EXOC6: variants seen among roughly 807,000 people sequenced by gnomAD.
EXOC6 encodes SEC15-like 1.
In EXOC6, 60 loss-of-function variants were observed where a neutral mutation model predicts 112.5. The observed-to-expected ratio is 0.53, with a 90% CI of 0.43 to 0.66. EXOC6 has a LOEUF of 0.66. Among genes scored for constraint, EXOC6 ranks in the 30% least tolerant of loss-of-function variants. The pLI is 0.00. For missense variants in EXOC6, 855 were observed against 957.1 expected, an observed-to-expected ratio of 0.89 and a Z score of 1.41; for synonymous variants, 295 against 308.0, an observed-to-expected ratio of 0.96 and a Z score of 0.44.
At chr10:92,874,094 G>A (rs1405999473) in intron 1 of EXOC6, among the ~76,000 whole-genome samples, 1 of 151,258 alleles carries the variant, frequency 6.6e-6, no homozygotes, top group South Asian at 2.1e-4. Context: ...AAAGAAATTT[G>A]GATTCTATGT....
intron 12 of EXOC6, among the ~76,000 whole-genome samples, chr10:92,939,709 G>A (rs1484872007): frequency 6.6e-6 from 1 of 152,034 alleles, no homozygotes; most frequent in African/African-American, 2.4e-5. Flanking sequence ...TAGAAGAAAA[G>A]ACTAAAGGTT....
At chr10:92,877,455 C>T (rs1296758990) in intron 1 of EXOC6, among the ~76,000 whole-genome samples, 1 of 152,092 alleles carries the variant, frequency 6.6e-6, no homozygotes, top group Admixed American at 6.6e-5. Context: ...AACCAGTTGT[C>T]CTTTATACTT....
intron 13 of EXOC6, among the ~76,000 whole-genome samples, chr10:92,941,033 G>A (rs1040218008): frequency 1.3e-5 from 2 of 152,002 alleles, no homozygotes; most frequent in African/African-American, 4.8e-5. Context: ...TTTCCAGAAC[G>A]TTTTCATCTT....
intron 20 of EXOC6, among the ~76,000 whole-genome samples, chr10:93,033,003 C>T (rs923262051): frequency 1.3e-5 from 2 of 151,932 alleles, no homozygotes; most frequent in African/African-American, 2.4e-5. Flanking sequence ...AATAGTATGG[C>T]TATAATGTAG....
chr10:92,945,391 A>G (rs151186129), intron 13 of EXOC6, among the ~76,000 whole-genome samples: 153 of 152,262 alleles, frequency 1.0e-3, no homozygotes, highest in Non-Finnish European at 1.3e-3. Context: ...TTATTTGTCT[A>G]CTATGGCTTT....
intron 8 of EXOC6, 148 bp downstream of exon 8, chr10:92,920,198 T>A: frequency 4.1e-6 from 2 of 491,848 alleles, no homozygotes; most frequent in Non-Finnish European, 7.0e-6. Flanking sequence ...CTTACATTTT[T>A]TGTTTACTTA....
At chr10:92,912,661 C>T (rs535695214) in intron 6 of EXOC6, among the ~76,000 whole-genome samples, 10 of 152,128 alleles carry the variant, frequency 6.6e-5, no homozygotes, top group Non-Finnish European at 1.0e-4. Context: ...ACAGTCTTTC[C>T]ATAACCTATG....
intron 17 of EXOC6, among the ~76,000 whole-genome samples, chr10:92,965,775 G>T (rs1417015161): frequency 6.6e-6 from 1 of 152,080 alleles, no homozygotes; most frequent in East Asian, 1.9e-4. Context: ...AAAATATAGT[G>T]AGCCAGTTCA....
chr10:92,952,653 T>C (rs956313242), intron 15 of EXOC6, among the ~76,000 whole-genome samples: 9 of 152,180 alleles, frequency 5.9e-5, no homozygotes, highest in African/African-American at 2.2e-4. Context: ...TTTACATCCA[T>C]GTGTACCTAG....
At chr10:92,844,171 A>T (rs558077676), upstream of EXOC6, among the ~76,000 whole-genome samples, 61 of 151,998 alleles carry the variant, frequency 4.0e-4, no homozygotes, top group East Asian at 0.011. Flanking sequence ...AAAAGGAAAA[A>T]AAAGAAAAAC....
chr10:92,886,305 C>T (rs762253280), intron 1 of EXOC6, among the ~76,000 whole-genome samples: 11 of 152,132 alleles, frequency 7.2e-5, no homozygotes, highest in African/African-American at 2.7e-4. Context: ...GTACAGGGCC[C>T]TCGATTTTCT....
chr10:92,947,218 C>T (rs1853077267), intron 13 of EXOC6, among the ~76,000 whole-genome samples: 1 of 152,272 alleles, frequency 6.6e-6, no homozygotes, highest in East Asian at 1.9e-4. Context: ...CACAGAAACC[C>T]ACGATAGGTT....
intron 12 of EXOC6, among the ~76,000 whole-genome samples, chr10:92,938,459 T>C (rs1852477647): frequency 6.6e-6 from 1 of 152,148 alleles, no homozygotes; most frequent in South Asian, 2.1e-4. Context: ...AATTAAAGAA[T>C]GTTACATAAT....
chr10:93,049,428 G>A (rs575167488), intron 20 of EXOC6, among the ~76,000 whole-genome samples: 4 of 152,128 alleles, frequency 2.6e-5, no homozygotes, highest in Non-Finnish European at 5.9e-5. Flanking sequence ...TAAACAAGGT[G>A]TAGTACATCC....
At chr10:92,834,492 T>A (rs544856703), upstream of EXOC6, among the ~76,000 whole-genome samples, 136 of 152,280 alleles carry the variant, frequency 8.9e-4, no homozygotes, top group African/African-American at 3.2e-3. Context: ...CCGAACTGTG[T>A]CAAGGTTAAT....
intron 6 of EXOC6, among the ~76,000 whole-genome samples, chr10:92,913,427 C>G (rs1850910004): frequency 6.6e-6 from 1 of 152,176 alleles, no homozygotes; most frequent in African/African-American, 2.4e-5. Context: ...TTAAGTGATA[C>G]CCTGTTACCT....
chr10:92,997,967 T>G (rs1388281388), intron 19 of EXOC6, among the ~76,000 whole-genome samples: 4 of 152,230 alleles, frequency 2.6e-5, no homozygotes, highest in Non-Finnish European at 4.4e-5. Flanking sequence ...TTACTTGCCC[T>G]GTAAGTAACT....
At chr10:92,867,815 A>G (rs1368891496) in intron 1 of EXOC6, among the ~76,000 whole-genome samples, 1 of 152,196 alleles carries the variant, frequency 6.6e-6, no homozygotes, top group African/African-American at 2.4e-5. Flanking sequence ...GCAGTAATCA[A>G]TTGTATTCCA....
chr10:93,000,440 T>TCGC (rs1843708416), intron 19 of EXOC6, among the ~76,000 whole-genome samples: 1 of 152,122 alleles, frequency 6.6e-6, no homozygotes, highest in Non-Finnish European at 1.5e-5. Context: ...CTTTTAAAAC[T>TCGC]CTGATGTTTT....
Sources: gnomAD v4.1 joint callset for allele counts (sites outside exome capture counted in the v4.1 genomes callset) on GRCh38, gnomAD v4.1.1 for gene constraint, MANE v1.5 for transcripts, NCBI Gene and HGNC (gene_info 2026-07-23, HGNC 2026-07-21) for gene names.